Variants in INSL6 observed in about 807,000 individuals in gnomAD.
INSL6 encodes the protein insulin-like peptide INSL6.
In INSL6, 16 loss-of-function variants were observed where a neutral mutation model predicts 9.4. The observed-to-expected ratio is 1.70, with a 90% CI of 1.15 to 2.59. The LOEUF is 2.59. Among genes scored for constraint, INSL6 ranks in the 30% most tolerant of loss-of-function variants. The pLI, the probability that INSL6 is intolerant of heterozygous loss-of-function variation, is 0.00. For missense variants in INSL6, 391 were observed against 257.3 expected (o/e 1.52, Z -3.56); for synonymous variants, 154 against 96.9 (o/e 1.59, Z -3.46).
At chr9:5,105,588 AAAG>A in the INSL6 span, among the ~76,000 whole-genome samples, 8 of 152,204 alleles carry the variant, frequency 5.3e-5, no homozygotes, top group Non-Finnish European at 8.8e-5. Context: ...TGGAACCAAA[AAAG>A]AGCCTGCATT....
the INSL6 span, among the ~76,000 whole-genome samples, chr9:5,022,712 G>A: frequency 6.6e-6 from 1 of 152,072 alleles, no homozygotes; most frequent in Admixed American, 6.5e-5. Flanking sequence ...CTTGAGACCT[G>A]ATTATATTAT....
At chr9:5,128,520 A>ACTT (rs1161821782) in intron 3 of INSL6, among the ~76,000 whole-genome samples, 4 of 151,884 alleles carry the variant, frequency 2.6e-5, no homozygotes, top group Admixed American at 2.0e-4. Flanking sequence ...TCATACTAAA[A>ACTT]CTTAACTACA....
At chr9:5,149,055 G>A (rs1824659398) in intron 2 of INSL6, among the ~76,000 whole-genome samples, 1 of 152,196 alleles carries the variant, frequency 6.6e-6, no homozygotes. Flanking sequence ...CTCTGCCAGA[G>A]CTGCCCCAAA....
the INSL6 span, among the ~76,000 whole-genome samples, chr9:5,082,748 T>C: frequency 6.6e-6 from 1 of 152,244 alleles, no homozygotes; most frequent in African/African-American, 2.4e-5. Context: ...GACTGGAGAA[T>C]GGCGATGACT....
At chr9:5,069,939 CT>C in the INSL6 span, 1 of 1,598,914 alleles carries the variant, frequency 6.3e-7, no homozygotes, top group Non-Finnish European at 8.6e-7. Context: ...ATCAAACCTT[CT>C]AGTCTTCAGA....
At chr9:5,122,987 T>C, downstream of INSL6, 1 of 1,509,638 alleles carries the variant, frequency 6.6e-7, no homozygotes. Flanking sequence ...TTTTAAATGT[T>C]ATTCATATAT....
intron 3 of INSL6, chr9:5,126,396 C>A (rs377212884): frequency 6.2e-7 from 1 of 1,610,598 alleles, no homozygotes; most frequent in South Asian, 1.1e-5. Flanking sequence ...TTTGATAGAA[C>A]TTTTGAAGAA....
chr9:5,053,271 T>G, the INSL6 span, among the ~76,000 whole-genome samples: 2 of 152,122 alleles, frequency 1.3e-5, no homozygotes, highest in African/African-American at 4.8e-5. Flanking sequence ...TTTGTATGCC[T>G]TCTGTAGAGA....
the INSL6 span, among the ~76,000 whole-genome samples, chr9:5,038,100 A>G: frequency 1.3e-5 from 2 of 152,174 alleles, no homozygotes; most frequent in Admixed American, 6.5e-5. Flanking sequence ...AAGGCCATTA[A>G]TGATTTGTTC....
At chr9:5,153,496 A>C (rs1824754546) in intron 2 of INSL6, among the ~76,000 whole-genome samples, 1 of 152,248 alleles carries the variant, frequency 6.6e-6, no homozygotes, top group South Asian at 2.1e-4. Context: ...AGGCAAGAGA[A>C]AGAAATAAAA....
chr9:5,172,853 A>G (rs752612226), intron 1 of INSL6, among the ~76,000 whole-genome samples: 9 of 152,040 alleles, frequency 5.9e-5, no homozygotes, highest in Non-Finnish European at 7.4e-5. Context: ...GCTTGAACCC[A>G]GGAGGCAGAG....
At chr9:5,039,563 T>C in the INSL6 span, among the ~76,000 whole-genome samples, 1 of 152,102 alleles carries the variant, frequency 6.6e-6, no homozygotes, top group African/African-American at 2.4e-5. Flanking sequence ...TATTCACAGA[T>C]TACATGATCT....
chr9:5,006,077 C>T, the INSL6 span, among the ~76,000 whole-genome samples: 7 of 152,238 alleles, frequency 4.6e-5, no homozygotes, highest in Admixed American at 1.3e-4. Context: ...CTATAAATGA[C>T]CTTGGGCAGT....
intron 2 of INSL6, among the ~76,000 whole-genome samples, chr9:5,142,340 C>A (rs1035080569): frequency 1.3e-5 from 2 of 152,314 alleles, no homozygotes; most frequent in Admixed American, 6.5e-5. Flanking sequence ...TCTTCCTATC[C>A]ATGAGCCTGG....
At chr9:5,116,188 C>A in the INSL6 span, among the ~76,000 whole-genome samples, 69 of 152,234 alleles carry the variant, frequency 4.5e-4, 2 homozygotes, top group Admixed American at 3.3e-3. Context: ...CTATTTTAAG[C>A]ATGGAGAACT....
At chr9:5,038,266 A>G in the INSL6 span, among the ~76,000 whole-genome samples, 1 of 152,232 alleles carries the variant, frequency 6.6e-6, no homozygotes, top group East Asian at 1.9e-4. Context: ...GAAAGTTTGA[A>G]TAGGTCTATG....
the INSL6 span, chr9:5,066,756 C>A: frequency 1.3e-6 from 2 of 1,566,006 alleles, no homozygotes; most frequent in Non-Finnish European, 1.7e-6. Context: ...GTCCTAAGGA[C>A]TTTAATAAAT....
the INSL6 span, chr9:5,069,970 TACCAACCTC>T: frequency 6.2e-7 from 1 of 1,608,318 alleles, no homozygotes; most frequent in South Asian, 1.1e-5. Flanking sequence ...GTTTCTGATG[TACCAACCTC>T]ACCAACATTA....
At chr9:5,120,621 T>C (rs1823543679), downstream of INSL6, among the ~76,000 whole-genome samples, 1 of 152,198 alleles carries the variant, frequency 6.6e-6, no homozygotes, top group Admixed American at 6.5e-5. Context: ...CTCTTTTTAC[T>C]ACAGAAGTAC....
Sources: allele counts gnomAD v4.1 joint callset (sites outside exome capture counted in the v4.1 genomes callset), GRCh38; gene constraint gnomAD v4.1.1; transcripts MANE v1.5; gene names NCBI Gene and HGNC (gene_info 2026-07-23, HGNC 2026-07-21).